Variants in ST6GALNAC3 observed in about 807,000 individuals in gnomAD.
The protein encoded by ST6GALNAC3 is alpha-N-acetylgalactosaminide alpha-2,6-sialyltransferase 3.
In ST6GALNAC3, 25 loss-of-function variants were observed where a neutral mutation model predicts 32.7. The ratio of observed to expected loss-of-function variants is 0.76; its 90% CI spans 0.56 to 1.07. The LOEUF is 1.07. ST6GALNAC3 is among the 50% of genes least tolerant of loss of function. The probability of loss-of-function intolerance (pLI) is 0.00; values close to 1 mark genes in which losing one functional copy is unlikely to be tolerated. For missense variants in ST6GALNAC3, 355 were observed against 382.4 expected (o/e 0.93, Z 0.60); for synonymous variants, 129 against 133.1 (o/e 0.97, Z 0.21).
At chr1:76,482,046 A>T (rs1024850768) in intron 3 of ST6GALNAC3, among the ~76,000 whole-genome samples, 2 of 152,102 alleles carry the variant, frequency 1.3e-5, no homozygotes, top group African/African-American at 4.8e-5. Flanking sequence ...GCACTGAAAA[A>T]GGCACACAGA....
chr1:76,602,276 T>G (rs189640453), intron 3 of ST6GALNAC3, among the ~76,000 whole-genome samples: 42 of 151,914 alleles, frequency 2.8e-4, no homozygotes. Context: ...ACTGGTGATG[T>G]GGAGAGAGGA....
intron 1 of ST6GALNAC3, among the ~76,000 whole-genome samples, chr1:76,272,271 C>T (rs76568099): frequency 0.043 from 6,153 of 144,016 alleles, 424 homozygotes; most frequent in African/African-American, 0.15. Flanking sequence ...TGCAGTGAGC[C>T]GAGATCGCGC....
chr1:76,329,189 C>T (rs1211496779), intron 2 of ST6GALNAC3, among the ~76,000 whole-genome samples: 1 of 152,144 alleles, frequency 6.6e-6, no homozygotes, highest in Non-Finnish European at 1.5e-5. Flanking sequence ...ATATTCACCA[C>T]CTGAGCCACC....
intron 1 of ST6GALNAC3, among the ~76,000 whole-genome samples, chr1:76,263,916 T>G (rs1658387965): frequency 6.6e-6 from 1 of 152,154 alleles, no homozygotes; most frequent in African/African-American, 2.4e-5. Flanking sequence ...AGGTTTGAAC[T>G]AGAACAACAA....
intron 2 of ST6GALNAC3, among the ~76,000 whole-genome samples, chr1:76,320,154 G>C (rs1646939118): frequency 6.6e-6 from 1 of 152,130 alleles, no homozygotes. Context: ...AGAAAGATTT[G>C]GATGGGACAG....
chr1:76,220,204 T>A (rs1283527845), intron 1 of ST6GALNAC3, among the ~76,000 whole-genome samples: 1 of 152,024 alleles, frequency 6.6e-6, no homozygotes, highest in Non-Finnish European at 1.5e-5. Flanking sequence ...CTTTCTTGAA[T>A]TTTTTTCCCT....
At chr1:76,501,160 C>T (rs964978631) in intron 3 of ST6GALNAC3, among the ~76,000 whole-genome samples, 2 of 152,152 alleles carry the variant, frequency 1.3e-5, no homozygotes, top group Non-Finnish European at 2.9e-5. Flanking sequence ...TCTCCCTCCC[C>T]CTACAAGCTA....
At chr1:76,547,289 C>T (rs1380109067) in intron 3 of ST6GALNAC3, among the ~76,000 whole-genome samples, 7 of 152,148 alleles carry the variant, frequency 4.6e-5, no homozygotes, top group Admixed American at 3.3e-4. Flanking sequence ...CTTAGCGCCC[C>T]GTGAGGACAG....
chr1:76,134,400 G>T (rs1257030336), intron 1 of ST6GALNAC3, among the ~76,000 whole-genome samples: 1 of 152,182 alleles, frequency 6.6e-6, no homozygotes, highest in Admixed American at 6.5e-5. Flanking sequence ...CAGGCCTGAA[G>T]CTCCTAGTCT....
At chr1:76,201,160 C>G (rs1654494082) in intron 1 of ST6GALNAC3, among the ~76,000 whole-genome samples, 1 of 152,124 alleles carries the variant, frequency 6.6e-6, no homozygotes, top group South Asian at 2.1e-4. Context: ...TTAGTCTGTT[C>G]TCTCACTGCT....
rs553853326 is a variant in ST6GALNAC3 at position 76,171,664 on chromosome 1, G to A, written c.18+96780G>A. Among the ~76,000 whole-genome samples, 8 of 151,616 alleles carry A rather than the reference G, an allele frequency of 5.3e-5. No homozygotes were observed. In the South Asian group the frequency reaches 1.0e-3, roughly 20 times the overall value. On this transcript the variant is annotated intron_variant, in intron 1 of 4. Coordinates refer to ENST00000328299, the MANE Select transcript of ST6GALNAC3 (RefSeq NM_152996.4). The stretch of plus-strand genomic sequence containing the variant: ...CATCAGAGAATACTATAAACAACTC[G>A]ATGCAAATAAACTAGAAAATTTAGA...
chr1:76,251,741 C>T (rs766292735), intron 1 of ST6GALNAC3, among the ~76,000 whole-genome samples: 3 of 151,988 alleles, frequency 2.0e-5, no homozygotes, highest in Non-Finnish European at 4.4e-5. Context: ...TTACTCTTGT[C>T]TCCTCTGATG....
At chr1:76,388,670 T>C (rs1652284973) in intron 2 of ST6GALNAC3, among the ~76,000 whole-genome samples, 1 of 152,170 alleles carries the variant, frequency 6.6e-6, no homozygotes. Flanking sequence ...GCATTGTACT[T>C]GAAGCTTCAG....
At chr1:76,389,312 G>T (rs1015112042) in intron 2 of ST6GALNAC3, among the ~76,000 whole-genome samples, 2 of 152,160 alleles carry the variant, frequency 1.3e-5, no homozygotes, top group African/African-American at 4.8e-5. Flanking sequence ...GAAATGTAAA[G>T]AAATTAAGTG....
At position 76,248,562 on chromosome 1, in the gene ST6GALNAC3, T is replaced by TTTCTAAAGGAAACAAA. The variant is rs1413757983; in HGVS notation, c.19-65243_19-65242insTTCTAAAGGAAACAAA. Among the ~76,000 whole-genome samples, 8 of 152,320 alleles carry TTTCTAAAGGAAACAAA rather than the reference T, an allele frequency of 5.3e-5. No individual in the cohort carries two copies. The South Asian group carries it at 1.7e-3, about 32-fold the overall frequency. On this transcript the variant is annotated intron_variant, in intron 1 of 4. Transcript: ENST00000328299. ...TAGATTCTAAAGGAAACAACCATTATCCTAATTTCAGGAATGTTTTATTTT... is the reference window on the plus strand; with the variant it reads ...TAGATTCTAAAGGAAACAACCATTATTTCTAAAGGAAACAAACCTAATTTCAGGAATGTTTTATTTT...
chr1:76,593,702 A>G lies in ST6GALNAC3; in HGVS notation c.624-33750A>G, dbSNP rs191768361. Among the ~76,000 whole-genome samples, 28 of 152,256 alleles carry G rather than the reference A, an allele frequency of 1.8e-4. No homozygotes were observed. The East Asian group carries it at 5.2e-3, about 28-fold the overall frequency. The stretch of plus-strand genomic sequence containing the variant: ...TTCCCCAAAGTTTGTTTTCACTCCA[A>G]TAATTAATTTTTGAGTGCCTACTCC... On this transcript the variant is annotated intron_variant, in intron 3 of 4. Transcript: ENST00000328299.
At chr1:76,597,104 G>T (rs1192812886) in intron 3 of ST6GALNAC3, among the ~76,000 whole-genome samples, 2 of 152,132 alleles carry the variant, frequency 1.3e-5, no homozygotes, top group Admixed American at 6.6e-5. Flanking sequence ...TTTCTACTGA[G>T]TAGCTTCCCC....
intron 1 of ST6GALNAC3, among the ~76,000 whole-genome samples, chr1:76,259,426 A>C (rs1658101311): frequency 6.6e-6 from 1 of 152,150 alleles, no homozygotes; most frequent in African/African-American, 2.4e-5. Flanking sequence ...TCATGTGACA[A>C]TATCTATCAC....
intron 2 of ST6GALNAC3, among the ~76,000 whole-genome samples, chr1:76,375,192 G>A (rs1366697007): frequency 3.3e-5 from 5 of 152,256 alleles, no homozygotes; most frequent in South Asian, 4.1e-4. Flanking sequence ...CATGCAAGGC[G>A]TATTAGAATA....
Sources: gnomAD v4.1 joint callset for allele counts (sites outside exome capture counted in the v4.1 genomes callset) on GRCh38, gnomAD v4.1.1 for gene constraint, MANE v1.5 for transcripts, NCBI Gene and HGNC (gene_info 2026-07-23, HGNC 2026-07-21) for gene names.